The following ZBED6 variants were observed in gnomAD, a reference collection of about 807,000 sequenced individuals.
ZBED6 encodes zinc finger BED domain-containing protein 6.
A neutral mutation model predicts 58.4 loss-of-function variants in ZBED6; 40 were observed. The ratio of observed to expected loss-of-function variants is 0.68; its 90% CI spans 0.53 to 0.89. The LOEUF (loss-of-function observed/expected upper bound fraction) is 0.89. ZBED6 is among the 40% of genes least tolerant of loss of function. ZBED6 has a pLI of 0.00. For missense variants in ZBED6, 1,057 were observed against 1,003.9 expected, an observed-to-expected ratio of 1.05 and a Z score of -0.71; for synonymous variants, 439 against 350.6, an observed-to-expected ratio of 1.25 and a Z score of -2.82.
intron 3 of ZBED6, among the ~76,000 whole-genome samples, chr1:203,824,104 C>G (rs957748701): frequency 6.6e-6 from 1 of 151,972 alleles, no homozygotes; most frequent in Admixed American, 6.6e-5. Flanking sequence ...CCCGTCTCTA[C>G]TCAAATTACA....
intron 16 of ZBED6, 117 bp from the exon 17 acceptor site, chr1:203,852,024 T>A: frequency 1.0e-6 from 1 of 967,774 alleles, no homozygotes; most frequent in Admixed American, 2.9e-5. Context: ...AAAAGAATTA[T>A]TTCTTTATGT....
intron 1 of ZBED6, chr1:203,806,290 C>T (rs187397199): frequency 1.2e-4 from 29 of 246,750 alleles, no homozygotes. Context: ...GGAACCCATA[C>T]ACCTTTTTTT....
At chr1:203,800,894 C>G (rs779405864) in exon 1 of ZBED6, 1 of 153,050 alleles carries the variant, frequency 6.5e-6, no homozygotes, top group Non-Finnish European at 1.5e-5. Context: ...TCCTTAAAAA[C>G]CCTGATGCTT....
At chr1:203,808,470 T>G (rs1673126511) in intron 1 of ZBED6, among the ~76,000 whole-genome samples, 1 of 152,238 alleles carries the variant, frequency 6.6e-6, no homozygotes, top group African/African-American at 2.4e-5. Flanking sequence ...TCCCCTTTAA[T>G]GTAAAGACTC....
At chr1:203,853,375 G>T (rs1175043851) in exon 17 of ZBED6, 1 of 152,546 alleles carries the variant, frequency 6.6e-6, no homozygotes, top group Admixed American at 6.6e-5. Context: ...ACACTGAATT[G>T]TACTGTGCCA....
chr1:203,847,701 T>G lies in ZBED6; in HGVS notation c.*4245+14T>G. The G allele has an allele frequency of 6.2e-7, 1 of 1,608,892 alleles. No individual in the cohort carries two copies. The highest frequency in any genetic ancestry group is 8.5e-7 in the Non-Finnish European group (1 of 1,178,606). ...CCAAAAGAACAGGTAACAAGAGAAC[T>G]TGGTCTCTAGTACCACGTCCCCACA... On this transcript the variant is annotated intron_variant, in intron 12 of 16. Coordinates refer to ENST00000550078, the Ensembl canonical transcript of ZBED6.
At chr1:203,800,064 G>C in exon 1 of ZBED6, 1 of 1,536,118 alleles carries the variant, frequency 6.5e-7, no homozygotes, top group Non-Finnish European at 8.7e-7. Flanking sequence ...TAGCTCAGCT[G>C]TAGACAATGT....
chr1:203,831,057 G>A lies in ZBED6; in HGVS notation c.*3400-604G>A, dbSNP rs377076296. ...ACCTCCCAGTTCAAGCTATTCTGCT[G>A]CCTCAGCCTCCTGAGTAGCTGGGAT... On this transcript the variant is annotated intron_variant, in intron 7 of 16. Transcript: ENST00000550078. Among the ~76,000 whole-genome samples, 6 of 144,494 alleles carry A rather than the reference G, an allele frequency of 4.2e-5. No individual in the cohort carries two copies. In the East Asian group the frequency reaches 8.7e-4, roughly 21 times the overall value. 94.8% of individuals were successfully genotyped at this position (144,494 alleles called of 152,430 possible).
chr1:203,836,343 G>A (rs1684317846), intron 9 of ZBED6, among the ~76,000 whole-genome samples: 1 of 152,230 alleles, frequency 6.6e-6, no homozygotes, highest in Non-Finnish European at 1.5e-5. Flanking sequence ...CATACTCTGT[G>A]TAGGGTCTTT....
exon 1 of ZBED6, chr1:203,796,088 C>T (rs1370605959): frequency 5.9e-6 from 1 of 170,292 alleles, no homozygotes; most frequent in Admixed American, 6.4e-5. Context: ...AACCTTCCTC[C>T]CCTCCCCCAC....
At chr1:203,851,410 A>C (rs909267983) in intron 16 of ZBED6, among the ~76,000 whole-genome samples, 3 of 151,858 alleles carry the variant, frequency 2.0e-5, no homozygotes, top group African/African-American at 7.3e-5. Flanking sequence ...GCTCACTGCA[A>C]CCTCCACTTC....
exon 1 of ZBED6, chr1:203,797,596 C>G: frequency 6.5e-7 from 1 of 1,534,038 alleles, no homozygotes; most frequent in Non-Finnish European, 8.7e-7. Context: ...TTTAGTGATT[C>G]TGGGATTCTG....
At position 203,818,103 on chromosome 1, in the gene ZBED6, A is replaced by G. The variant is rs563831767; in HGVS notation, c.*2754-467A>G. Among the ~76,000 whole-genome samples, 14 of 152,242 alleles carry G rather than the reference A, an allele frequency of 9.2e-5. No individual in the cohort carries two copies. The East Asian group carries it at 2.7e-3, about 29-fold the overall frequency. ...AAGCTGTGATAATTTTATCTTACCT[A>G]TAGCAGTTTGCACAACAGTAGCGTT... On this transcript the variant is annotated intron_variant, in intron 2 of 16. Coordinates refer to ENST00000550078, the Ensembl canonical transcript of ZBED6.
In ZBED6 at chr1:203,796,817, T is replaced by C. The variant is rs190704640; in HGVS notation, c.-706T>C. ...TTGAAAATGCAGCATTTAACCTTGT[T>C]TTAAAATTTTTTTCTCAAAGCATTT... On this transcript the variant is annotated 5_prime_UTR_variant, in exon 1 of 17. Coordinates refer to ENST00000550078, the Ensembl canonical transcript of ZBED6. The C allele has an allele frequency of 3.9e-5, 7 of 181,124 alleles. No homozygotes were observed. The East Asian group carries it at 9.8e-4, about 25-fold the overall frequency. The allele number at this position is 181,124 out of a possible 1,614,324, so 11.2% of individuals were successfully genotyped here. A position where few individuals can be genotyped will look rare whatever the true frequency, so the allele number is the denominator to read the frequency against.
intron 8 of ZBED6, among the ~76,000 whole-genome samples, chr1:203,832,307 C>T (rs574732518): frequency 7.9e-5 from 12 of 151,722 alleles, no homozygotes; most frequent in Admixed American, 2.0e-4. Flanking sequence ...GTGATCCGCC[C>T]GCCTTGGCCT....
chr1:203,803,217 G>GT (rs1671062182), intron 1 of ZBED6, among the ~76,000 whole-genome samples: 1 of 151,978 alleles, frequency 6.6e-6, no homozygotes, highest in Non-Finnish European at 1.5e-5. Context: ...TGGAGACGGA[G>GT]TTTTACTCTT....
exon 14 of ZBED6, chr1:203,849,743 T>G: frequency 1.2e-6 from 2 of 1,613,916 alleles, no homozygotes; most frequent in Non-Finnish European, 1.7e-6. Context: ...TTGACATCAC[T>G]AAAATTCAAG....
intron 9 of ZBED6, among the ~76,000 whole-genome samples, chr1:203,835,365 T>A (rs1420828266): frequency 6.6e-6 from 1 of 152,188 alleles, no homozygotes; most frequent in African/African-American, 2.4e-5. Context: ...GTTAAATAAC[T>A]TGCCTAAGGT....
At chr1:203,804,616 T>G (rs754847440) in intron 1 of ZBED6, among the ~76,000 whole-genome samples, 1 of 152,076 alleles carries the variant, frequency 6.6e-6, no homozygotes, top group Non-Finnish European at 1.5e-5. Context: ...GTTGATAGAT[T>G]TTCTAGTTTG....
Sources: gnomAD v4.1 joint callset for allele counts (sites outside exome capture counted in the v4.1 genomes callset) on GRCh38, gnomAD v4.1.1 for gene constraint, MANE v1.5 for transcripts, NCBI Gene and HGNC (gene_info 2026-07-23, HGNC 2026-07-21) for gene names.